Variants in ASH1L observed in about 807,000 individuals in gnomAD.
ASH1L encodes the protein histone-lysine N-methyltransferase ASH1L.
ASH1L carries 23 observed loss-of-function variants against 269.0 expected under a neutral mutation model. The ratio of observed to expected loss-of-function variants is 0.09; its 90% CI spans 0.06 to 0.12. The LOEUF is 0.12. Ranked by LOEUF, ASH1L falls within the 10% of genes least tolerant of loss-of-function variation. The pLI is 1.00. For missense variants in ASH1L, 2,912 were observed against 3,567.8 expected, an observed-to-expected ratio of 0.82 and a Z score of 4.68; for synonymous variants, 1,187 against 1,253.5, an observed-to-expected ratio of 0.95 and a Z score of 1.12.
At chr1:155,520,692 G>A (rs908903730) in intron 2 of ASH1L, among the ~76,000 whole-genome samples, 6 of 151,598 alleles carry the variant, frequency 4.0e-5, no homozygotes, top group East Asian at 2.0e-4. Flanking sequence ...GTGAAACCCC[G>A]TCTCTACTAA....
intron 2 of ASH1L, among the ~76,000 whole-genome samples, chr1:155,496,025 A>G (rs1276556076): frequency 6.6e-6 from 1 of 152,106 alleles, no homozygotes; most frequent in Non-Finnish European, 1.5e-5. Context: ...AAATAAAACA[A>G]AACAAATTAA....
intron 4 of ASH1L, among the ~76,000 whole-genome samples, chr1:155,444,086 T>C (rs1251653564): frequency 6.7e-6 from 1 of 148,188 alleles, no homozygotes; most frequent in Admixed American, 6.9e-5. Flanking sequence ...CGGGTTCAAG[T>C]GATTCTCCTG....
chr1:155,338,379 T>C lies in ASH1L; in HGVS notation c.8513A>G (p.Lys2838Arg), dbSNP rs1301079792. Residue 2838 changes from lysine to arginine, a missense_variant, in exon 27 of 28, where the codon AAG (lysine) becomes AGG (arginine). Transcript: ENST00000392403. ...YKRNGGRSSWKSERSKPPLKD... is the reference protein window; with the variant it reads ...YKRNGGRSSWRSERSKPPLKD... ...TAGGGGTGGCTTTGAGCGCTCAGAC[T>C]TCCAGGATGATCTGCCAGAAGGATA... 1 of 1,611,924 alleles carries C rather than the reference T, an allele frequency of 6.2e-7. No homozygotes were observed. Among genetic ancestry groups the C allele is most frequent in the Non-Finnish European group, 8.5e-7 (1 of 1,178,672 alleles).
At position 155,562,547 on chromosome 1, in the gene ASH1L, CT is replaced by C; in HGVS notation, c.-495del. 6.5e-7 allele frequency: 1 copy of C among 1,528,558 alleles called. No individual in the cohort carries two copies. The allele number at this position is 1,528,558 out of a possible 1,614,324, so 94.7% of individuals were successfully genotyped here. A position where few individuals can be genotyped will look rare whatever the true frequency, so the allele number is the denominator to read the frequency against. On this transcript the variant is annotated 5_prime_UTR_variant, in exon 1 of 28. Coordinates refer to ENST00000392403, the MANE Select transcript of ASH1L (RefSeq NM_018489.3). The stretch of plus-strand genomic sequence containing the variant: ...CCTTCCACTCCTTCCTCCTTGCGTT[CT>C]TTCCCACCGTCCCCCGCTCCGCCCG...
In ASH1L at chr1:155,444,763, C is replaced by G. The variant is rs185506551; in HGVS notation, c.5087-5695G>C. 1.1e-4 allele frequency among the ~76,000 whole-genome samples: 17 copies of G among 150,986 alleles called. No homozygotes were observed. The East Asian group carries it at 3.3e-3, about 29-fold the overall frequency. On this transcript the variant is annotated intron_variant, in intron 4 of 27. Transcript: ENST00000392403. The stretch of plus-strand genomic sequence containing the variant: ...TCCTGAGGAGCTGAGATTACAGGTG[C>G]CTGCCACTACGCCCGGCTAATTTTT...
chr1:155,338,840 A>C (rs908715471), intron 26 of ASH1L, among the ~76,000 whole-genome samples: 1 of 152,212 alleles, frequency 6.6e-6, no homozygotes, highest in Non-Finnish European at 1.5e-5. Context: ...TGGTGTAGGT[A>C]AAGCAGTTGT....
At chr1:155,448,559 G>A (rs949953348) in intron 4 of ASH1L, among the ~76,000 whole-genome samples, 2 of 152,210 alleles carry the variant, frequency 1.3e-5, no homozygotes, top group East Asian at 1.9e-4. Flanking sequence ...GCAATGGTGC[G>A]ATCTCAGCTC....
chr1:155,475,309 G>A (rs978816781), intron 3 of ASH1L, among the ~76,000 whole-genome samples: 1 of 151,982 alleles, frequency 6.6e-6, no homozygotes, highest in Non-Finnish European at 1.5e-5. Context: ...GCTGATTTTT[G>A]TATTTTTAGT....
intron 1 of ASH1L, among the ~76,000 whole-genome samples, chr1:155,560,851 G>A (rs1374078430): frequency 6.6e-6 from 1 of 152,118 alleles, no homozygotes; most frequent in African/African-American, 2.4e-5. Context: ...ATATAGTCAT[G>A]GATATGCATT....
At chr1:155,532,937 A>G (rs1029411310) in intron 1 of ASH1L, among the ~76,000 whole-genome samples, 5 of 136,854 alleles carry the variant, frequency 3.7e-5, no homozygotes, top group East Asian at 2.1e-4. Context: ...GTGCATATAT[A>G]TGTGTGTGTG....
chr1:155,491,912 A>T (rs1352310049), intron 2 of ASH1L, among the ~76,000 whole-genome samples: 1 of 151,482 alleles, frequency 6.6e-6, no homozygotes, highest in Non-Finnish European at 1.5e-5. Flanking sequence ...ACCTCAAGCG[A>T]TCCACTCACC....
intron 1 of ASH1L, among the ~76,000 whole-genome samples, chr1:155,549,786 C>T (rs1460387117): frequency 6.6e-6 from 1 of 152,008 alleles, no homozygotes; most frequent in Non-Finnish European, 1.5e-5. Flanking sequence ...ATATCCAAAC[C>T]AAATCCCTCA....
At chr1:155,516,069 G>C (rs747753908) in intron 2 of ASH1L, among the ~76,000 whole-genome samples, 6 of 151,796 alleles carry the variant, frequency 4.0e-5, no homozygotes, top group Admixed American at 6.6e-5. Context: ...TTGTCTTCCT[G>C]CTATAGTACC....
At chr1:155,412,073 C>T (rs1659855748) in intron 6 of ASH1L, among the ~76,000 whole-genome samples, 2 of 151,958 alleles carry the variant, frequency 1.3e-5, no homozygotes, top group Admixed American at 1.3e-4. Context: ...GAAACCCCGT[C>T]TCTACTAAAA....
intron 12 of ASH1L, among the ~76,000 whole-genome samples, chr1:155,367,973 T>TA (rs1491346029): frequency 6.6e-6 from 1 of 152,158 alleles, no homozygotes; most frequent in Admixed American, 6.6e-5. Flanking sequence ...GCAAAGAGTT[T>TA]ATAAGTGGTA....
chr1:155,346,695 G>A (rs1483557662), intron 20 of ASH1L, among the ~76,000 whole-genome samples: 1 of 152,068 alleles, frequency 6.6e-6, no homozygotes, highest in Non-Finnish European at 1.5e-5. Flanking sequence ...TATAGATCTG[G>A]GCAAATAAAA....
chr1:155,428,735 A>G (rs938160666), intron 5 of ASH1L, among the ~76,000 whole-genome samples: 1 of 152,094 alleles, frequency 6.6e-6, no homozygotes, highest in African/African-American at 2.4e-5. Context: ...CCATCCCTTT[A>G]TTTCGGCCCA....
intron 17 of ASH1L, among the ~76,000 whole-genome samples, chr1:155,351,802 G>A (rs954573440): frequency 1.3e-5 from 2 of 151,474 alleles, no homozygotes; most frequent in Middle Eastern, 3.4e-3. Flanking sequence ...AGTGAGCCGA[G>A]ATCATGCCAC....
intron 1 of ASH1L, among the ~76,000 whole-genome samples, chr1:155,524,521 C>CAAA (rs749990170): frequency 1.7e-5 from 1 of 57,288 alleles, no homozygotes; most frequent in African/African-American, 6.6e-5. Context: ...GACTCCGTCT[C>CAAA]AAAAAAAAAA....
Sources: allele counts gnomAD v4.1 joint callset (sites outside exome capture counted in the v4.1 genomes callset), GRCh38; gene constraint gnomAD v4.1.1; transcripts MANE v1.5; gene names NCBI Gene and HGNC (gene_info 2026-07-23, HGNC 2026-07-21).